The following PRRX1 variants were observed in gnomAD, a reference collection of about 807,000 sequenced individuals.
The protein encoded by PRRX1 is paired mesoderm homeobox protein 1.
In PRRX1, 8 loss-of-function variants were observed where a neutral mutation model predicts 24.0. The observed-to-expected ratio is 0.33, with a 90% confidence interval of 0.20 to 0.60. PRRX1 has a LOEUF of 0.60. Among genes scored for constraint, PRRX1 ranks in the 20% least tolerant of loss-of-function variants. The pLI is 0.82. For synonymous variants in PRRX1, 160 were observed against 131.7 expected (o/e 1.22, Z -1.47); for missense variants, 281 against 322.4 (o/e 0.87, Z 0.98).
intron 1 of PRRX1, among the ~76,000 whole-genome samples, chr1:170,709,353 T>A (rs1261462802): frequency 6.6e-6 from 1 of 152,120 alleles, no homozygotes; most frequent in Non-Finnish European, 1.5e-5. Context: ...CAGAGAAAAG[T>A]ATAAATGAAA....
Position 170,738,859 on chromosome 1 carries a change from A to G in PRRX1, c.*2673A>G, listed in dbSNP as rs1287973882. ...GGTGGTTTTATCCAATGTCTCAAGC[A>G]AGCAATGTCTGGGAATATCATAGAG... On this transcript the variant is annotated 3_prime_UTR_variant, in exon 4 of 4. Coordinates refer to ENST00000239461, the MANE Select transcript of PRRX1 (RefSeq NM_022716.4). 1 of 229,518 alleles carries G rather than the reference A, an allele frequency of 4.4e-6. No individual in the cohort carries two copies. The highest frequency in any genetic ancestry group is 2.2e-5 in the African/African-American group (1 of 45,164). 14.2% of individuals were successfully genotyped at this position (229,518 alleles called of 1,614,324 possible).
intron 1 of PRRX1, among the ~76,000 whole-genome samples, chr1:170,695,051 G>A (rs1424883029): frequency 6.6e-6 from 1 of 152,140 alleles, no homozygotes; most frequent in African/African-American, 2.4e-5. Flanking sequence ...TGCACTGGAA[G>A]AGTCTATCTC....
In PRRX1 at chr1:170,693,999, A is replaced by C. The variant is rs886563757; in HGVS notation, c.242-25727A>C. 2.0e-5 allele frequency among the ~76,000 whole-genome samples: 3 copies of C among 152,028 alleles called. No individual in the cohort carries two copies. The South Asian group carries it at 6.2e-4, about 32-fold the overall frequency. On this transcript the variant is annotated intron_variant, in intron 1 of 3. Coordinates refer to ENST00000239461, the MANE Select transcript of PRRX1 (RefSeq NM_022716.4). ...CACACAGAGATTCCATGAAGCAAAG[A>C]GAGGCTTAGTTTTGTAAAGAACTTT... is the stretch of plus-strand genomic sequence containing the variant.
Position 170,738,176 on chromosome 1 carries a change from AT to A in PRRX1, c.*1994del. The A allele has an allele frequency of 4.5e-6, 1 of 221,964 alleles. No homozygotes were observed. Among genetic ancestry groups the A allele is most frequent in the South Asian group, 1.8e-4 (1 of 5,446 alleles). The allele number at this position is 221,964 out of a possible 1,614,324, so 13.7% of individuals were successfully genotyped here. A position where few individuals can be genotyped will look rare whatever the true frequency, so the allele number is the denominator to read the frequency against. ...TGAGTGATTAAAAAACTTTGGATCA[AT>A]TTTGGTCAAACATGCCAACTTTGTA... On this transcript the variant is annotated 3_prime_UTR_variant, in exon 4 of 4. Coordinates refer to ENST00000239461, the MANE Select transcript of PRRX1 (RefSeq NM_022716.4).
In PRRX1 at chr1:170,664,401, C is replaced by T. The variant is rs774174102; in HGVS notation, c.183C>T (p.Gly61=). ...CGGATGAGAACGTGGGCGAGGCTGG[C>T]CGGAGCCTGCTGGAGTCGCCGGGAC... The part of the protein sequence containing the change: ...AQADENVGEA[G]RSLLESPGLT... Residue 61 remains glycine (G), a synonymous_variant, in exon 1 of 4, where the codon GGC becomes GGT. Transcript: ENST00000239461. The T allele has an allele frequency of 3.7e-6, 6 of 1,612,302 alleles. 1 individual carries two copies. The highest frequency in any genetic ancestry group is 3.3e-5 in the South Asian group (3 of 90,744).
At position 170,716,583 on chromosome 1, in the gene PRRX1, CAA is replaced by C. The variant is rs1010022653; in HGVS notation, c.242-3127_242-3126del. 5.9e-3 allele frequency among the ~76,000 whole-genome samples: 597 copies of C among 100,682 alleles called. 2 individuals carry two copies. Among genetic ancestry groups the C allele is most frequent in the African/African-American group, 0.018 (542 of 29,746 alleles). The allele number at this position is 100,682 out of a possible 152,430, so 66.1% of individuals were successfully genotyped here. A position where few individuals can be genotyped will look rare whatever the true frequency, so the allele number is the denominator to read the frequency against. ...TGGGCGACAGAGCGAGACTCCATCT[CAA>C]AAAAAAAAAAAAAAATGTATTCATG... On this transcript the variant is annotated intron_variant, in intron 1 of 3. Transcript: ENST00000239461.
At chr1:170,726,570 C>T in intron 3 of PRRX1, 169 bp downstream of exon 3, 1 of 803,362 alleles carries the variant, frequency 1.2e-6, no homozygotes, top group Non-Finnish European at 1.9e-6. Flanking sequence ...ATAAGCTGCC[C>T]CAGCAGCAGG....
At chr1:170,704,936 G>A (rs1378823081) in intron 1 of PRRX1, among the ~76,000 whole-genome samples, 1 of 152,182 alleles carries the variant, frequency 6.6e-6, no homozygotes, top group Admixed American at 6.5e-5. Context: ...ACAAGAAACT[G>A]CTCTTCTAGA....
intron 1 of PRRX1, among the ~76,000 whole-genome samples, chr1:170,688,610 G>A (rs1443176329): frequency 6.6e-6 from 1 of 152,008 alleles, no homozygotes; most frequent in Non-Finnish European, 1.5e-5. Context: ...CCTATAGTCT[G>A]CTGACTATAT....
intron 3 of PRRX1, chr1:170,729,011 A>T (rs941306048): frequency 6.6e-6 from 1 of 152,220 alleles, no homozygotes; most frequent in Non-Finnish European, 1.5e-5. Flanking sequence ...TCTCTTGGTT[A>T]ATTCTTGGAA....
chr1:170,663,378 C>T (rs541800621), upstream of PRRX1: 1 of 152,174 alleles, frequency 6.6e-6, no homozygotes, highest in East Asian at 1.9e-4. Flanking sequence ...CAGAGAGCTT[C>T]TTGATCCAAC....
At position 170,735,948 on chromosome 1, in the gene PRRX1, C is replaced by T. The variant is rs1226914498; in HGVS notation, c.600-100C>T. The T allele has an allele frequency of 2.0e-5, 31 of 1,518,394 alleles. No individual in the cohort carries two copies. In the Admixed American group the frequency reaches 2.2e-4, roughly 11 times the overall value. The allele number at this position is 1,518,394 out of a possible 1,614,324, so 94.1% of individuals were successfully genotyped here. A position where few individuals can be genotyped will look rare whatever the true frequency, so the allele number is the denominator to read the frequency against. On this transcript the variant is annotated intron_variant, in intron 3 of 3. Transcript: ENST00000239461. Reference sequence around the variant, plus strand: ...CATCTAGTCCAAGCCATTGCCCCTGCCTGCCCCCATGCTGAGAGTACATCC... The same window carrying T: ...CATCTAGTCCAAGCCATTGCCCCTGTCTGCCCCCATGCTGAGAGTACATCC...
At chr1:170,664,804 G>A (rs1652861125) in intron 1 of PRRX1, among the ~76,000 whole-genome samples, 1 of 152,232 alleles carries the variant, frequency 6.6e-6, no homozygotes, top group African/African-American at 2.4e-5. Flanking sequence ...GGCTGGGCTG[G>A]GAAAAGGTCT....
intron 2 of PRRX1, among the ~76,000 whole-genome samples, chr1:170,725,253 A>G (rs930582734): frequency 2.6e-5 from 4 of 152,114 alleles, no homozygotes; most frequent in African/African-American, 7.2e-5. Context: ...TATGTAGCAA[A>G]CCTGCACATC....
At chr1:170,713,860 T>G (rs139049176) in intron 1 of PRRX1, among the ~76,000 whole-genome samples, 1 of 152,316 alleles carries the variant, frequency 6.6e-6, no homozygotes, top group East Asian at 1.9e-4. Flanking sequence ...GGGGCTTTAG[T>G]GGGCTATAGT....
chr1:170,705,967 C>T (rs1385452856), intron 1 of PRRX1, among the ~76,000 whole-genome samples: 1 of 146,390 alleles, frequency 6.8e-6, no homozygotes, highest in Non-Finnish European at 1.5e-5. Flanking sequence ...CACACACACA[C>T]AAACATTTTA....
chr1:170,715,027 C>T (rs1341043308), intron 1 of PRRX1, among the ~76,000 whole-genome samples: 5 of 151,982 alleles, frequency 3.3e-5, no homozygotes, highest in Admixed American at 3.3e-4. Context: ...TATCCTGCAG[C>T]CGCTTTTCTA....
At chr1:170,681,081 A>T (rs913511816) in intron 1 of PRRX1, among the ~76,000 whole-genome samples, 4 of 152,228 alleles carry the variant, frequency 2.6e-5, no homozygotes, top group African/African-American at 9.6e-5. Flanking sequence ...TAATGGAAGA[A>T]GGGAACTAAA....
chr1:170,701,599 TAGA>T (rs35157525), intron 1 of PRRX1, among the ~76,000 whole-genome samples: 7,002 of 152,278 alleles, frequency 0.046, 229 homozygotes, highest in Middle Eastern at 0.12. Flanking sequence ...TATTAAGAAG[TAGA>T]AGAATTTTTT....
Sources: gnomAD v4.1 joint callset for allele counts (sites outside exome capture counted in the v4.1 genomes callset) on GRCh38, gnomAD v4.1.1 for gene constraint, MANE v1.5 for transcripts, NCBI Gene and HGNC (gene_info 2026-07-23, HGNC 2026-07-21) for gene names.